LDLRAD4: variants seen among roughly 807,000 people sequenced by gnomAD.
LDLRAD4 encodes low density lipoprotein receptor class A domain containing 4.
Under a neutral mutation model 17.0 loss-of-function variants are expected in LDLRAD4, and 5 were observed. The ratio of observed to expected loss-of-function variants is 0.29; its 90% CI spans 0.15 to 0.62. LDLRAD4 has a LOEUF of 0.62. Ranked by LOEUF, LDLRAD4 falls within the 20% of genes least tolerant of loss-of-function variation. LDLRAD4 has a pLI of 0.84. For synonymous variants in LDLRAD4, 168 were observed against 171.8 expected (o/e 0.98, Z 0.17); for missense variants, 340 against 424.7 (o/e 0.80, Z 1.75).
At chr18:13,379,933 G>T (rs1301767414) in intron 1 of LDLRAD4, among the ~76,000 whole-genome samples, 2 of 152,164 alleles carry the variant, frequency 1.3e-5, no homozygotes, top group Non-Finnish European at 2.9e-5. Flanking sequence ...TGGAGTGGGG[G>T]AGATCCCTGG....
rs187056825 is a variant in LDLRAD4, at chr18:13,369,420, G to A, written c.-382-17921G>A. On this transcript the variant is annotated intron_variant, in intron 1 of 5. Coordinates refer to ENST00000359446, the Ensembl canonical transcript of LDLRAD4. ...GGCCTGTTGGCCTCAGTGGGCTGTT[G>A]GGTGGGCGGCCATGGTCTTGGTGAG... Among the ~76,000 whole-genome samples, 17 of 152,274 alleles carry A rather than the reference G, an allele frequency of 1.1e-4. No homozygotes were observed. The East Asian group carries it at 3.3e-3, about 29-fold the overall frequency.
exon 6 of LDLRAD4, chr18:13,651,778 CAGAGT>C (rs3840887): frequency 6.6e-6 from 1 of 152,184 alleles, no homozygotes; most frequent in Non-Finnish European, 1.5e-5. Context: ...ATTCTGCCAC[CAGAGT>C]AGAGTCTAAT....
At chr18:13,588,769 A>ACTAT (rs1309438064) in intron 3 of LDLRAD4, among the ~76,000 whole-genome samples, 5 of 152,028 alleles carry the variant, frequency 3.3e-5, no homozygotes, top group Non-Finnish European at 1.5e-5. Context: ...GTTTCTTGAA[A>ACTAT]CTATCTTGAC....
At chr18:13,221,129 A>G (rs1177053866) in intron 1 of LDLRAD4, among the ~76,000 whole-genome samples, 1 of 152,216 alleles carries the variant, frequency 6.6e-6, no homozygotes, top group Non-Finnish European at 1.5e-5. Context: ...AGAGAAGGAA[A>G]AATGTTATCC....
intron 3 of LDLRAD4, chr18:13,613,586 T>TA (rs770270156): frequency 5.3e-5 from 8 of 152,244 alleles, no homozygotes; most frequent in Non-Finnish European, 8.8e-5. Context: ...GATCAGAACA[T>TA]ATTTAGGTAA....
At position 13,363,424 on chromosome 18, in the gene LDLRAD4, C is replaced by T. The variant is rs1005308497; in HGVS notation, c.-382-23917C>T. Among the ~76,000 whole-genome samples the T allele has an allele frequency of 1.7e-4, 25 of 151,342 alleles. 1 individual carries two copies. Among genetic ancestry groups the T allele is most frequent in the Admixed American group, 1.6e-3 (25 of 15,218 alleles). On this transcript the variant is annotated intron_variant, in intron 1 of 5. Coordinates refer to ENST00000359446, the Ensembl canonical transcript of LDLRAD4. ...TCCCTTAACGAAGGTCTTCAGGCTG[C>T]GCCGGGGAAAGGGAGAGTGGAAATT...
intron 3 of LDLRAD4, among the ~76,000 whole-genome samples, chr18:13,486,202 A>G (rs1307218197): frequency 6.6e-6 from 1 of 152,202 alleles, no homozygotes; most frequent in Non-Finnish European, 1.5e-5. Context: ...CATAATGAGG[A>G]CGTTACTGCA....
At chr18:13,527,491 C>T (rs958832159) in intron 3 of LDLRAD4, among the ~76,000 whole-genome samples, 5 of 152,218 alleles carry the variant, frequency 3.3e-5, no homozygotes, top group East Asian at 1.9e-4. Flanking sequence ...TTCTTCCCAC[C>T]TCTTCTCAAT....
At chr18:13,495,331 CT>C (rs2093445771) in intron 3 of LDLRAD4, among the ~76,000 whole-genome samples, 1 of 152,168 alleles carries the variant, frequency 6.6e-6, no homozygotes, top group African/African-American at 2.4e-5. Context: ...ACCCAAATCA[CT>C]TTCCTTCTTT....
intron 3 of LDLRAD4, among the ~76,000 whole-genome samples, chr18:13,593,551 ATCTATCTATCTGTCTG>A (rs2095054358): frequency 6.6e-6 from 1 of 151,208 alleles, no homozygotes; most frequent in African/African-American, 2.5e-5. Flanking sequence ...TATTTACTTT[ATCTATCTATCTGTCTG>A]TCCGTCCGTC....
chr18:13,370,708 GTTTTGTT>G (rs1482279285), intron 1 of LDLRAD4, among the ~76,000 whole-genome samples: 1 of 13,504 alleles, frequency 7.4e-5, no homozygotes, highest in African/African-American at 1.6e-4. Context: ...ATGGTTTTTT[GTTTTGTT>G]TTTTTTTTTT....
chr18:13,518,600 T>A (rs1461530666), intron 3 of LDLRAD4, among the ~76,000 whole-genome samples: 1 of 152,212 alleles, frequency 6.6e-6, no homozygotes, highest in Admixed American at 6.5e-5. Flanking sequence ...TGTTTTGTGA[T>A]TTTCGTTTTT....
At chr18:13,462,733 G>A (rs1363151978) in intron 3 of LDLRAD4, among the ~76,000 whole-genome samples, 1 of 152,174 alleles carries the variant, frequency 6.6e-6, no homozygotes, top group Non-Finnish European at 1.5e-5. Context: ...AGTCATGGTG[G>A]CTGTCACGGG....
chr18:13,529,293 C>A (rs910935079), intron 3 of LDLRAD4, among the ~76,000 whole-genome samples: 4 of 152,226 alleles, frequency 2.6e-5, no homozygotes, highest in Admixed American at 2.6e-4. Flanking sequence ...TTCAGGTTCT[C>A]TCTTTGATGT....
intron 1 of LDLRAD4, among the ~76,000 whole-genome samples, chr18:13,349,919 T>C (rs1265774286): frequency 1.3e-5 from 2 of 152,162 alleles, no homozygotes; most frequent in African/African-American, 4.8e-5. Context: ...TTGCTGTGGA[T>C]GATGGCTTCA....
intron 1 of LDLRAD4, among the ~76,000 whole-genome samples, chr18:13,330,286 C>A (rs1032487142): frequency 6.6e-6 from 1 of 151,956 alleles, no homozygotes; most frequent in African/African-American, 2.4e-5. Context: ...TTTAGTACTA[C>A]TTTTTTGTTA....
chr18:13,652,433 A>G (rs1010222964), exon 6 of LDLRAD4: 1 of 152,546 alleles, frequency 6.6e-6, no homozygotes, highest in Non-Finnish European at 1.5e-5. Flanking sequence ...AAAAAAGTAC[A>G]ACTGTATTTG....
At chr18:13,276,651 C>T (rs2044886430), upstream of LDLRAD4, among the ~76,000 whole-genome samples, 1 of 152,224 alleles carries the variant, frequency 6.6e-6, no homozygotes, top group Admixed American at 6.5e-5. Context: ...GCCAAGTGGC[C>T]CCTCACAGGC....
At chr18:13,605,423 G>T (rs897409454) in intron 3 of LDLRAD4, among the ~76,000 whole-genome samples, 6 of 152,146 alleles carry the variant, frequency 3.9e-5, no homozygotes, top group African/African-American at 1.4e-4. Context: ...TCACTGTGTT[G>T]CCCAGGCTTG....
Sources: gnomAD v4.1 joint callset for allele counts (sites outside exome capture counted in the v4.1 genomes callset) on GRCh38, gnomAD v4.1.1 for gene constraint, MANE v1.5 for transcripts, NCBI Gene and HGNC (gene_info 2026-07-23, HGNC 2026-07-21) for gene names.